Variants in ANKRD11 observed in about 807,000 individuals in gnomAD.
ANKRD11 encodes ankyrin repeat domain 11, also known as ankyrin repeat domain-containing protein 11.
ANKRD11 carries 17 observed loss-of-function variants against 195.7 expected under a neutral mutation model. The ratio of observed to expected loss-of-function variants is 0.09; its 90% CI spans 0.06 to 0.13. The LOEUF (loss-of-function observed/expected upper bound fraction) is 0.13. Ranked by LOEUF, ANKRD11 falls within the 10% of genes least tolerant of loss-of-function variation. The pLI is 1.00. For synonymous variants in ANKRD11, 1,953 were observed against 1,528.1 expected (o/e 1.28, Z -6.49); for missense variants, 3,735 against 3,566.1 (o/e 1.05, Z -1.21).
Position 89,281,610 on chromosome 16 carries a change from C to T in ANKRD11, c.4932G>A (p.Gly1644=), listed in dbSNP as rs72821356. 62,820 of 1,614,124 alleles carry T rather than the reference C, an allele frequency of 0.039. 1,585 individuals carry two copies. Among genetic ancestry groups the T allele is most frequent in the East Asian group, 0.062 (2,800 of 44,864 alleles). The change falls in exon 9 of 13, where the codon GGG becomes GGA. Residue 1644 remains glycine, a synonymous_variant. Coordinates refer to ENST00000301030, the MANE Select transcript of ANKRD11 (RefSeq NM_013275.6). This position sits in a 1 kb window ranked among gnomAD's most constrained non-coding sequence, Gnocchi z 5.5. The part of the protein sequence containing the change: ...GLDIPAKKPP[G]LDPPFKDKKL... ...TTTTGTCTTTAAATGGAGGGTCCAGCCCCGGCGGTTTCTTAGCAGGAATGT... is the reference window on the plus strand; with the variant it reads ...TTTTGTCTTTAAATGGAGGGTCCAGTCCCGGCGGTTTCTTAGCAGGAATGT...
In ANKRD11 at chr16:89,275,395, C is replaced by T. The variant is rs28651071; in HGVS notation, c.7471-204G>A. On this transcript the variant is annotated intron_variant, in intron 9 of 12. Transcript: ENST00000301030. ...GGACGCGGGAGAGCGGACACCTCCA[C>T]GGTGCCCCGTACAGCACCACGCAGT... Among the ~76,000 whole-genome samples, 612 of 152,374 alleles carry T rather than the reference C, an allele frequency of 4.0e-3. 5 individuals are homozygous for T. The highest frequency in any genetic ancestry group is 0.014 in the African/African-American group (578 of 41,590).
intron 1 of ANKRD11, among the ~76,000 whole-genome samples, chr16:89,480,754 G>A (rs945666315): frequency 6.6e-6 from 1 of 152,020 alleles, no homozygotes; most frequent in African/African-American, 2.4e-5. Context: ...ATATCTGAGG[G>A]CAAATACCAG....
chr16:89,489,682 G>A (rs946769023), intron 1 of ANKRD11, among the ~76,000 whole-genome samples: 15 of 151,374 alleles, frequency 9.9e-5, no homozygotes, highest in African/African-American at 3.6e-4. Context: ...CCCGGCCAGC[G>A]CCCCCTGGCA....
intron 1 of ANKRD11, among the ~76,000 whole-genome samples, chr16:89,455,648 G>C (rs1398861388): frequency 1.3e-5 from 2 of 152,088 alleles, no homozygotes; most frequent in Admixed American, 1.3e-4. Context: ...TTGGGCAGGA[G>C]AGAGCTGTGG....
At chr16:89,454,101 G>A (rs182138296) in intron 1 of ANKRD11, among the ~76,000 whole-genome samples, 4 of 152,208 alleles carry the variant, frequency 2.6e-5, no homozygotes, top group East Asian at 3.9e-4. Context: ...CTCATCATGG[G>A]GGAGTGCTTC....
chr16:89,340,211 C>G (rs535249159), intron 2 of ANKRD11, among the ~76,000 whole-genome samples: 52 of 152,302 alleles, frequency 3.4e-4, no homozygotes, highest in African/African-American at 1.2e-3. Flanking sequence ...AAATGTCACA[C>G]TGTATAGTCA....
chr16:89,452,421 T>C (rs1047063891), intron 1 of ANKRD11, among the ~76,000 whole-genome samples: 3 of 152,076 alleles, frequency 2.0e-5, no homozygotes, highest in African/African-American at 7.2e-5. Flanking sequence ...CCAAGTTCTC[T>C]CCCACACCCT....
intron 1 of ANKRD11, among the ~76,000 whole-genome samples, chr16:89,488,661 T>C (rs1354588515): frequency 2.0e-5 from 3 of 152,196 alleles, no homozygotes; most frequent in African/African-American, 7.2e-5. Flanking sequence ...ACTGTTTCGA[T>C]GGCACTTTTT....
chr16:89,323,302 C>A (rs2037452662), intron 2 of ANKRD11: 1 of 1,288,910 alleles, frequency 7.8e-7, no homozygotes, highest in South Asian at 1.2e-5. Context: ...GAGTGACACA[C>A]CCTATGACCC....
At position 89,283,716 on chromosome 16, in the gene ANKRD11, TCTC is replaced by T. The variant is rs772713030; in HGVS notation, c.2823_2825del (p.Arg942del). On this transcript the variant is annotated inframe_deletion, in exon 9 of 13. Coordinates refer to ENST00000301030, the MANE Select transcript of ANKRD11 (RefSeq NM_013275.6). The surrounding 1 kb of genome is among the most constrained non-coding windows in gnomAD (Gnocchi z 4.3). ...TGTCCCGCCCGGCCTCTGCGGACTC[TCTC>T]CTCTTCTTGTCCTTTTCCGAAAGGT... The T allele has an allele frequency of 6.2e-5, 100 of 1,613,686 alleles. No individual in the cohort carries two copies. The highest frequency in any genetic ancestry group is 2.4e-4 in the East Asian group (11 of 44,902).
chr16:89,373,724 G>A (rs929132694), intron 2 of ANKRD11, among the ~76,000 whole-genome samples: 1 of 152,156 alleles, frequency 6.6e-6, no homozygotes, highest in Admixed American at 6.5e-5. Context: ...ACAACCCCAC[G>A]CGGGAGGCAT....
In ANKRD11 at chr16:89,282,235, T is replaced by C; in HGVS notation, c.4307A>G (p.Glu1436Gly). 3 of 1,614,158 alleles carry C rather than the reference T, an allele frequency of 1.9e-6. No individual in the cohort carries two copies. The highest frequency in any genetic ancestry group is 2.5e-6 in the Non-Finnish European group (3 of 1,180,022). The change falls in exon 9 of 13, where the codon GAA becomes GGA. Residue 1436 changes from glutamate (E) to glycine (G), a missense_variant. Transcript: ENST00000301030. ...EKKDKNDSER[E>G]PSKKIEKELK... is the part of the protein sequence containing the mutation. ...TTCCTTTTCTATTTTCTTGGAAGGT[T>C]CTCTCTCGGAATCATTTTTATCTTT...
intron 12 of ANKRD11, 119 bp downstream of exon 12, chr16:89,270,698 C>T (rs1323766628): frequency 3.1e-6 from 3 of 960,964 alleles, no homozygotes; most frequent in Non-Finnish European, 4.9e-6. Flanking sequence ...TTGTCACCGC[C>T]CATCACAGAA....
chr16:89,355,904 C>G (rs1197716955), intron 2 of ANKRD11, among the ~76,000 whole-genome samples: 1 of 152,156 alleles, frequency 6.6e-6, no homozygotes, highest in Non-Finnish European at 1.5e-5. Flanking sequence ...CTCCCCCCAG[C>G]ACAGCTCGGG....
intron 1 of ANKRD11, among the ~76,000 whole-genome samples, chr16:89,456,647 G>A (rs2056450807): frequency 6.6e-6 from 1 of 151,846 alleles, no homozygotes; most frequent in East Asian, 1.9e-4. Context: ...CAAGTAAACA[G>A]GAATACAGTT....
At chr16:89,337,007 C>CAAAA (rs60248736) in intron 2 of ANKRD11, among the ~76,000 whole-genome samples, 2,101 of 47,736 alleles carry the variant, frequency 0.044, 114 homozygotes, top group Non-Finnish European at 0.066. Context: ...CTGGCTCTAC[C>CAAAA]AAAAAAAAAA....
At chr16:89,357,615 G>T (rs1046772835) in intron 2 of ANKRD11, among the ~76,000 whole-genome samples, 1 of 152,214 alleles carries the variant, frequency 6.6e-6, no homozygotes, top group Non-Finnish European at 1.5e-5. Context: ...GCAAACCCGA[G>T]TGTCCCCTGG....
At chr16:89,322,121 A>C (rs1239119692) in intron 2 of ANKRD11, among the ~76,000 whole-genome samples, 2 of 152,222 alleles carry the variant, frequency 1.3e-5, no homozygotes, top group Non-Finnish European at 2.9e-5. Flanking sequence ...GAAAGTTAAA[A>C]GTTCTACACA....
At chr16:89,354,240 A>G (rs1054565993) in intron 2 of ANKRD11, among the ~76,000 whole-genome samples, 3 of 117,352 alleles carry the variant, frequency 2.6e-5, no homozygotes, top group African/African-American at 1.0e-4. Context: ...TTTTGCATTC[A>G]GCCAAAAAAA....
Sources: gnomAD v4.1 joint callset for allele counts (sites outside exome capture counted in the v4.1 genomes callset) on GRCh38, gnomAD v4.1.1 for gene constraint, Gnocchi (gnomAD v3.1) non-coding constraint, MANE v1.5 for transcripts, NCBI Gene and HGNC (gene_info 2026-07-23, HGNC 2026-07-21) for gene names.